Variants in CATSPERD observed in about 807,000 individuals in gnomAD.
CATSPERD encodes cation channel sperm-associated auxiliary subunit delta.
A neutral mutation model predicts 98.1 loss-of-function variants in CATSPERD; 86 were observed. The ratio of observed to expected loss-of-function variants is 0.88; its 90% CI spans 0.74 to 1.05. CATSPERD has a LOEUF of 1.05. CATSPERD is among the 50% of genes least tolerant of loss of function. The pLI, the probability that CATSPERD is intolerant of heterozygous loss-of-function variation, is 0.00. For synonymous variants in CATSPERD, 394 were observed against 390.2 expected (o/e 1.01, Z -0.12); for missense variants, 995 against 1,005.7 (o/e 0.99, Z 0.14).
rs147497138 is a variant in CATSPERD, at chr19:5,757,706, G to C, written c.1279-137G>C. On this transcript the variant is annotated intron_variant, in intron 13 of 21. Coordinates refer to ENST00000381624, the MANE Select transcript of CATSPERD (RefSeq NM_152784.4). ...TCTTCTCACCTTGGTCTCCCAAAGTGCTGGGATTACAGATATGAGCCACTA... is the reference window on the plus strand; with the variant it reads ...TCTTCTCACCTTGGTCTCCCAAAGTCCTGGGATTACAGATATGAGCCACTA... 2.1e-3 allele frequency: 1,226 copies of C among 570,868 alleles called. 19 individuals carry two copies. The African/African-American group carries it at 0.022, about 10-fold the overall frequency. 35.4% of individuals were successfully genotyped at this position (570,868 alleles called of 1,614,324 possible).
chr19:5,766,219 G>T, intron 17 of CATSPERD, 64 bp downstream of exon 17: 1 of 1,442,650 alleles, frequency 6.9e-7, no homozygotes, highest in South Asian at 1.2e-5. Context: ...GGGAGGCCGA[G>T]GTGGGCAGAT....
At chr19:5,720,953 C>A (rs539971539) in intron 1 of CATSPERD, 145 bp downstream of exon 1, 1 of 620,378 alleles carries the variant, frequency 1.6e-6, no homozygotes, top group African/African-American at 1.9e-5. Flanking sequence ...CCTCGCTCAC[C>A]CTACTCCACC....
intron 8 of CATSPERD, among the ~76,000 whole-genome samples, chr19:5,745,134 G>A (rs1002081223): frequency 5.9e-5 from 9 of 151,348 alleles, no homozygotes; most frequent in Non-Finnish European, 1.3e-4. Flanking sequence ...GTAGTGACAG[G>A]GTTTCACCAT....
Position 5,724,844 on chromosome 19 carries a change from G to C in CATSPERD, c.108G>C (p.Leu36=), listed in dbSNP as rs778941120. ...RTVRTGKVFN[L]IQDVQGDRLY... ...TGAGGACAGGAAAAGTGTTTAATCT[G>C]ATACAGGACGTTCAAGGGGTATGTG... The change falls in exon 2 of 22, where the codon CTG becomes CTC. Residue 36 remains leucine (L), a synonymous_variant. Transcript: ENST00000381624. The C allele has an allele frequency of 3.1e-6, 5 of 1,613,934 alleles. No homozygotes were observed. The highest frequency in any genetic ancestry group is 2.7e-5 in the African/African-American group (2 of 74,938).
At chr19:5,772,627 A>T (rs1599598623) in intron 19 of CATSPERD, among the ~76,000 whole-genome samples, 161 bp from the exon 20 acceptor site, 1 of 151,828 alleles carries the variant, frequency 6.6e-6, no homozygotes, top group Non-Finnish European at 1.5e-5. Context: ...CCCGCAGCCC[A>T]CACACGGCAT....
chr19:5,741,173 G>A (rs899377587), intron 7 of CATSPERD, among the ~76,000 whole-genome samples: 1 of 152,120 alleles, frequency 6.6e-6, no homozygotes, highest in Non-Finnish European at 1.5e-5. Flanking sequence ...CCTGAAGATT[G>A]GTACTATCAG....
At chr19:5,748,055 C>G in intron 9 of CATSPERD, 105 bp from the exon 10 acceptor site, 2 of 823,390 alleles carry the variant, frequency 2.4e-6, no homozygotes, top group Non-Finnish European at 4.2e-6. Context: ...GAGCCACTGG[C>G]CGGGTGGGTT....
intron 7 of CATSPERD, among the ~76,000 whole-genome samples, chr19:5,742,564 T>C (rs1315943960): frequency 6.6e-6 from 1 of 151,366 alleles, no homozygotes; most frequent in Admixed American, 6.6e-5. Flanking sequence ...GGAGGATCAC[T>C]TGAGCTCAGG....
At chr19:5,737,275 T>A (rs1004094484) in intron 6 of CATSPERD, 70 bp downstream of exon 6, 7 of 1,107,664 alleles carry the variant, frequency 6.3e-6, no homozygotes, top group African/African-American at 1.6e-5. Context: ...TGAGTAGACA[T>A]AAAGGCTGGG....
chr19:5,735,370 G>A (rs1286408526), intron 5 of CATSPERD, among the ~76,000 whole-genome samples: 5 of 152,082 alleles, frequency 3.3e-5, no homozygotes, highest in East Asian at 1.9e-4. Flanking sequence ...GAGTGCGATC[G>A]CACGATCTCA....
chr19:5,765,300 G>A (rs1361257488), intron 16 of CATSPERD, among the ~76,000 whole-genome samples: 2 of 152,152 alleles, frequency 1.3e-5, no homozygotes, highest in Admixed American at 6.6e-5. Flanking sequence ...TGAGGGTGCC[G>A]TGCACTGCAG....
chr19:5,738,765 G>A (rs1036822015), intron 6 of CATSPERD, among the ~76,000 whole-genome samples: 1 of 152,074 alleles, frequency 6.6e-6, no homozygotes, highest in Non-Finnish European at 1.5e-5. Flanking sequence ...TAGTACAGGT[G>A]GGGTTTCACC....
intron 13 of CATSPERD, among the ~76,000 whole-genome samples, chr19:5,757,255 TAAAG>T (rs1599565906): frequency 6.7e-6 from 1 of 150,178 alleles, no homozygotes; most frequent in East Asian, 2.0e-4. Context: ...ATCTCAAAAA[TAAAG>T]AAAGAAAGAA....
intron 14 of CATSPERD, among the ~76,000 whole-genome samples, 181 bp from the exon 15 acceptor site, chr19:5,758,905 C>G (rs949188316): frequency 3.3e-5 from 4 of 119,904 alleles, no homozygotes; most frequent in East Asian, 2.5e-4. Flanking sequence ...GCCTGGGCAA[C>G]AGAGAGAGAC....
In CATSPERD at chr19:5,733,818, GATGCTCTC is replaced by G. The variant is rs766621424; in HGVS notation, c.277-35_277-28del. The stretch of plus-strand genomic sequence containing the variant: ...GCGTTTCTGAATCAATGTTTGAAAA[GATGCTCTC>G]ATTGATATCATCCATATGATAACTT... On this transcript the variant is annotated intron_variant, in intron 4 of 21. Transcript: ENST00000381624. 1.3e-5 allele frequency: 17 copies of G among 1,323,588 alleles called. No individual in the cohort carries two copies. In the South Asian group the frequency reaches 2.1e-4, roughly 16 times the overall value. The allele number at this position is 1,323,588 out of a possible 1,614,324, so 82.0% of individuals were successfully genotyped here.
intron 13 of CATSPERD, among the ~76,000 whole-genome samples, chr19:5,755,025 A>G (rs2056299149): frequency 6.6e-6 from 1 of 150,504 alleles, no homozygotes; most frequent in Non-Finnish European, 1.5e-5. Flanking sequence ...TTGTATTTTT[A>G]GTAAGATGGG....
Position 5,772,963 on chromosome 19 carries a change from G to C in CATSPERD, c.1939G>C (p.Glu647Gln). Residue 647 changes from glutamate to glutamine, a missense_variant and splice_region_variant, in exon 20 of 22, where the codon GAG (glutamate) becomes CAG (glutamine). This residue lies in a region of CATSPERD where 762 missense variants were observed against 773.7 expected (regional missense o/e 0.98). Coordinates refer to ENST00000381624, the MANE Select transcript of CATSPERD (RefSeq NM_152784.4). ...CGGGGGGCCCTTCTTCTGGAACAGA[G>C]AGGTAACAGGACCCTAGGATCGTTT... Reference protein sequence around the residue: ...EFGGPFFWNRENYVSCHDPNN... With the variant: ...EFGGPFFWNRQNYVSCHDPNN... 6.2e-7 allele frequency: 1 copy of C among 1,613,630 alleles called. No individual in the cohort carries two copies. The highest frequency in any genetic ancestry group is 8.5e-7 in the Non-Finnish European group (1 of 1,179,782).
intron 17 of CATSPERD, among the ~76,000 whole-genome samples, chr19:5,767,784 ATTTTATTT>A (rs2056570284): frequency 3.1e-4 from 2 of 6,506 alleles, no homozygotes. Flanking sequence ...TTGTTTTATT[ATTTTATTT>A]TAATTTTTAT....
chr19:5,741,479 G>A (rs1021024940), intron 7 of CATSPERD, among the ~76,000 whole-genome samples: 10 of 151,982 alleles, frequency 6.6e-5, no homozygotes, highest in African/African-American at 2.2e-4. Context: ...CAAGAGCCAC[G>A]TCCTCACACA....
Sources: gnomAD v4.1 joint callset for allele counts (sites outside exome capture counted in the v4.1 genomes callset) on GRCh38, gnomAD v4.1.1 for gene constraint, gnomAD v4.1.1 regional missense constraint, MANE v1.5 for transcripts, NCBI Gene and HGNC (gene_info 2026-07-23, HGNC 2026-07-21) for gene names.